The following NELL1 variants were observed in gnomAD, a reference collection of about 807,000 sequenced individuals.
The protein encoded by NELL1 is protein kinase C-binding protein NELL1.
In NELL1, 76 loss-of-function variants were observed where a neutral mutation model predicts 107.4. That is an observed-to-expected ratio of 0.71 (90% confidence interval 0.59 to 0.86). The LOEUF (loss-of-function observed/expected upper bound fraction) is 0.86, where lower values mean the gene tolerates loss of function less well. Ranked by LOEUF, NELL1 falls within the 40% of genes least tolerant of loss-of-function variation. The pLI is 0.00. For synonymous variants in NELL1, 353 were observed against 341.2 expected (o/e 1.03, Z -0.38); for missense variants, 1,024 against 1,005.5 (o/e 1.02, Z -0.25).
At chr11:21,018,706 C>T (rs1467543880) in intron 12 of NELL1, among the ~76,000 whole-genome samples, 1 of 152,026 alleles carries the variant, frequency 6.6e-6, no homozygotes, top group Non-Finnish European at 1.5e-5. Context: ...GTTGTTTCCC[C>T]ACAAGCTGGT....
At position 20,783,691 on chromosome 11, in the gene NELL1, G is replaced by C; in HGVS notation, c.196G>C (p.Glu66Gln). Reference protein sequence around the residue: ...KAFLFQDIEREIHAAPHVSEK... With the variant: ...KAFLFQDIERQIHAAPHVSEK... ...TTCTTGATTCCTAGACATAGAAAGA[G>C]AGATCCATGCAGCTCCTCATGTGAG... The change falls in exon 3 of 20, where the codon GAG becomes CAG. Residue 66 changes from glutamate to glutamine, a missense_variant. By Grantham distance (29) the Glu-to-Gln change is conservative. Transcript: ENST00000357134. 6.2e-7 allele frequency: 1 copy of C among 1,612,838 alleles called. No homozygotes were observed. The highest frequency in any genetic ancestry group is 8.5e-7 in the Non-Finnish European group (1 of 1,179,468).
Position 21,166,587 on chromosome 11 carries a change from A to C in NELL1, c.1426+52873A>C, listed in dbSNP as rs150816851. Among the ~76,000 whole-genome samples, 275 of 151,944 alleles carry C rather than the reference A, an allele frequency of 1.8e-3. 11 individuals are homozygous for C. The highest frequency in any genetic ancestry group is 6.5e-3 in the African/African-American group (266 of 41,232). On this transcript the variant is annotated intron_variant, in intron 13 of 19. Transcript: ENST00000357134. ...ATGTAACCCATAAATATATACACCT[A>C]CAATGTACCCACAAAAATAAAAAAT...
chr11:21,189,936 G>T (rs1857014653), intron 13 of NELL1, among the ~76,000 whole-genome samples: 1 of 151,898 alleles, frequency 6.6e-6, no homozygotes, highest in South Asian at 2.1e-4. Context: ...GCTTTTCTGT[G>T]GATTGTGGAA....
intron 5 of NELL1, among the ~76,000 whole-genome samples, chr11:20,886,980 A>C (rs1849522425): frequency 1.3e-5 from 2 of 152,148 alleles, no homozygotes; most frequent in Admixed American, 1.3e-4. Flanking sequence ...TATCTCCAAA[A>C]ATTTCCATCC....
chr11:21,200,572 A>G (rs11025962), intron 13 of NELL1, among the ~76,000 whole-genome samples: 102,210 of 152,030 alleles, frequency 0.67, 37,183 homozygotes, highest in Non-Finnish European at 0.81. Flanking sequence ...ATTTTCTCCC[A>G]TTCTGTAGGT....
intron 15 of NELL1, among the ~76,000 whole-genome samples, chr11:21,405,300 C>T (rs868563359): frequency 4.3e-4 from 66 of 152,130 alleles, no homozygotes; most frequent in African/African-American, 1.4e-3. Flanking sequence ...AAATGCATGA[C>T]TCCACCAATT....
At chr11:20,708,561 G>A (rs563215831) in intron 2 of NELL1, among the ~76,000 whole-genome samples, 1 of 151,920 alleles carries the variant, frequency 6.6e-6, no homozygotes, top group Non-Finnish European at 1.5e-5. Context: ...CTTACTTTTT[G>A]ATGGTATTAT....
At chr11:21,122,861 T>G (rs1855400576) in intron 13 of NELL1, among the ~76,000 whole-genome samples, 1 of 152,218 alleles carries the variant, frequency 6.6e-6, no homozygotes, top group African/African-American at 2.4e-5. Context: ...TGACAAATTC[T>G]CACATAAAAC....
At chr11:21,003,924 T>A (rs1852276587) in intron 12 of NELL1, among the ~76,000 whole-genome samples, 1 of 152,170 alleles carries the variant, frequency 6.6e-6, no homozygotes, top group Non-Finnish European at 1.5e-5. Context: ...CAGATGAATA[T>A]TCTTCTAGAT....
chr11:21,249,370 C>G (rs1427701118), intron 14 of NELL1, among the ~76,000 whole-genome samples: 1 of 151,902 alleles, frequency 6.6e-6, no homozygotes, highest in East Asian at 1.9e-4. Flanking sequence ...TTATCAATTT[C>G]AACAGATATA....
In NELL1 at chr11:20,741,099, C is replaced by T. The variant is rs891656522; in HGVS notation, c.185-42581C>T. Reference sequence around the variant, plus strand: ...TTCTGGCCCCTCCCCCACCCCATCCCCCGTTTTAACTTTAAGAACAAAACC... The same window carrying T: ...TTCTGGCCCCTCCCCCACCCCATCCTCCGTTTTAACTTTAAGAACAAAACC... On this transcript the variant is annotated intron_variant, in intron 2 of 19. Transcript: ENST00000357134. Among the ~76,000 whole-genome samples, 7 of 152,086 alleles carry T rather than the reference C, an allele frequency of 4.6e-5. No homozygotes were observed. In the East Asian group the frequency reaches 7.8e-4, roughly 17 times the overall value.
intron 5 of NELL1, among the ~76,000 whole-genome samples, chr11:20,889,323 C>G (rs780080179): frequency 8.5e-5 from 13 of 152,112 alleles, no homozygotes; most frequent in Non-Finnish European, 1.6e-4. Flanking sequence ...AGTCAAAAGA[C>G]AGTAGAAAAA....
chr11:21,269,934 T>C (rs1848708024), intron 14 of NELL1, among the ~76,000 whole-genome samples: 1 of 152,124 alleles, frequency 6.6e-6, no homozygotes, highest in African/African-American at 2.4e-5. Context: ...TCTTTTGTTA[T>C]CATAAGGTTC....
At chr11:20,818,079 G>GT (rs1857662829) in intron 3 of NELL1, among the ~76,000 whole-genome samples, 1 of 152,108 alleles carries the variant, frequency 6.6e-6, no homozygotes, top group African/African-American at 2.4e-5. Flanking sequence ...GATGGATGGA[G>GT]TATTCTATAG....
intron 3 of NELL1, among the ~76,000 whole-genome samples, chr11:20,840,877 A>G (rs1848609336): frequency 6.6e-6 from 1 of 152,234 alleles, no homozygotes; most frequent in Admixed American, 6.5e-5. Context: ...CAGAATATTA[A>G]GCCATGTAAT....
chr11:21,143,072 A>T (rs909465817), intron 13 of NELL1, among the ~76,000 whole-genome samples: 1 of 152,208 alleles, frequency 6.6e-6, no homozygotes, highest in South Asian at 2.1e-4. Context: ...GCATCTGGGT[A>T]AGGATTTAAG....
At chr11:20,877,863 C>A (rs1041502960) in intron 4 of NELL1, among the ~76,000 whole-genome samples, 1 of 152,124 alleles carries the variant, frequency 6.6e-6, no homozygotes, top group Non-Finnish European at 1.5e-5. Flanking sequence ...TAATAGGTAG[C>A]ACCTTGTAAA....
intron 2 of NELL1, among the ~76,000 whole-genome samples, chr11:20,763,221 C>T (rs1856460746): frequency 6.6e-6 from 1 of 152,148 alleles, no homozygotes; most frequent in Non-Finnish European, 1.5e-5. Context: ...CACCCATTCT[C>T]ACTGCTGGGT....
chr11:21,463,827 C>G (rs550074613), intron 15 of NELL1, among the ~76,000 whole-genome samples: 1 of 152,158 alleles, frequency 6.6e-6, no homozygotes, highest in South Asian at 2.1e-4. Context: ...GATCTAGGGA[C>G]TCAGATGGAA....
Sources: allele counts gnomAD v4.1 joint callset (sites outside exome capture counted in the v4.1 genomes callset), GRCh38; gene constraint gnomAD v4.1.1; transcripts MANE v1.5; gene names NCBI Gene and HGNC (gene_info 2026-07-23, HGNC 2026-07-21).